NRXN3: variants seen among roughly 807,000 people sequenced by gnomAD.
NRXN3 encodes neurexin 3.
A neutral mutation model predicts 137.6 loss-of-function variants in NRXN3; 32 were observed. The observed-to-expected ratio is 0.23, with a 90% CI of 0.18 to 0.31. The LOEUF (loss-of-function observed/expected upper bound fraction) is 0.31, where lower values mean the gene tolerates loss of function less well. NRXN3 is among the 10% of genes least tolerant of loss of function. The pLI, the probability that NRXN3 is intolerant of heterozygous loss-of-function variation, is 1.00. For missense variants in NRXN3, 1,574 were observed against 2,062.5 expected, an observed-to-expected ratio of 0.76 and a Z score of 4.59; for synonymous variants, 798 against 784.5, an observed-to-expected ratio of 1.02 and a Z score of -0.29.
intron 16 of NRXN3, among the ~76,000 whole-genome samples, chr14:79,561,920 A>G (rs549811687): frequency 1.3e-5 from 2 of 152,294 alleles, no homozygotes; most frequent in African/African-American, 4.8e-5. Flanking sequence ...ATTTTATCCC[A>G]TTTGTTATCC....
chr14:78,444,220 G>T (rs2094346068), intron 4 of NRXN3, among the ~76,000 whole-genome samples: 1 of 152,182 alleles, frequency 6.6e-6, no homozygotes, highest in Non-Finnish European at 1.5e-5. Context: ...AGAACATGAT[G>T]ACATGAATAG....
chr14:78,307,948 C>CT (rs917119129), intron 4 of NRXN3, among the ~76,000 whole-genome samples: 5 of 152,174 alleles, frequency 3.3e-5, no homozygotes, highest in South Asian at 2.1e-4. Flanking sequence ...AGATACTGCT[C>CT]TTTTTTTCCC....
At chr14:78,719,418 T>TAGC (rs10684562) in intron 8 of NRXN3, among the ~76,000 whole-genome samples, 148,037 of 151,758 alleles carry the variant, frequency 0.98, 72,271 homozygotes, top group Non-Finnish European at 0.99. Context: ...TGATCCTGGG[T>TAGC]AGCAGCAGCA....
chr14:78,988,344 C>T (rs1249824401), intron 15 of NRXN3: 1 of 606,660 alleles, frequency 1.6e-6, no homozygotes, highest in Non-Finnish European at 2.9e-6. Flanking sequence ...AAATATTCTC[C>T]CACTTGCTCA....
chr14:78,718,710 AT>A (rs1188159991), intron 8 of NRXN3, among the ~76,000 whole-genome samples: 1 of 152,060 alleles, frequency 6.6e-6, no homozygotes, highest in Non-Finnish European at 1.5e-5. Context: ...TTGTATTTAG[AT>A]TTTTTTCAGC....
At chr14:78,636,532 C>T (rs2097568516) in intron 4 of NRXN3, among the ~76,000 whole-genome samples, 1 of 152,114 alleles carries the variant, frequency 6.6e-6, no homozygotes, top group Non-Finnish European at 1.5e-5. Context: ...CAAAGTGTTA[C>T]TCCAAAATGA....
At chr14:79,454,715 A>G (rs557266751) in intron 15 of NRXN3, among the ~76,000 whole-genome samples, 1 of 152,256 alleles carries the variant, frequency 6.6e-6, no homozygotes, top group East Asian at 1.9e-4. Flanking sequence ...TGCTGTTGAT[A>G]ATCTCTATCA....
chr14:79,388,865 A>C (rs4903848), intron 15 of NRXN3, among the ~76,000 whole-genome samples: 109,973 of 151,904 alleles, frequency 0.72, 40,031 homozygotes, highest in Middle Eastern at 0.87. Flanking sequence ...ATGGGAATTC[A>C]TGTTCTGTTG....
At chr14:79,836,860 C>G (rs2099345172) in intron 20 of NRXN3, among the ~76,000 whole-genome samples, 1 of 152,092 alleles carries the variant, frequency 6.6e-6, no homozygotes, top group African/African-American at 2.4e-5. Context: ...TTTTTTTGTC[C>G]ATGGTTCTAT....
intron 19 of NRXN3, among the ~76,000 whole-genome samples, chr14:79,761,914 A>G (rs976645416): frequency 9.2e-5 from 14 of 151,648 alleles, no homozygotes; most frequent in African/African-American, 3.2e-4. Flanking sequence ...CTTTGAAGCC[A>G]TAAACTTGAG....
chr14:79,519,382 C>A (rs73341454), intron 16 of NRXN3, among the ~76,000 whole-genome samples: 3,598 of 151,640 alleles, frequency 0.024, 151 homozygotes, highest in East Asian at 0.15. Flanking sequence ...TTAATTTTAC[C>A]ACTTTTGCAT....
At chr14:78,611,467 C>A (rs558241372) in intron 4 of NRXN3, among the ~76,000 whole-genome samples, 3 of 151,446 alleles carry the variant, frequency 2.0e-5, no homozygotes, top group Admixed American at 1.3e-4. Flanking sequence ...ATGGATATAC[C>A]AGAAAGCATA....
At chr14:78,338,824 T>G (rs2081814359) in intron 4 of NRXN3, among the ~76,000 whole-genome samples, 1 of 152,194 alleles carries the variant, frequency 6.6e-6, no homozygotes, top group East Asian at 1.9e-4. Context: ...GACTTAACAC[T>G]TTAACACTTG....
intron 17 of NRXN3, among the ~76,000 whole-genome samples, chr14:79,674,022 G>A (rs2098627447): frequency 6.6e-6 from 1 of 152,010 alleles, no homozygotes; most frequent in Non-Finnish European, 1.5e-5. Flanking sequence ...TCCACAAAGT[G>A]AAAGAAGGTG....
At chr14:79,788,408 G>C (rs1438823220) in intron 19 of NRXN3, among the ~76,000 whole-genome samples, 1 of 152,152 alleles carries the variant, frequency 6.6e-6, no homozygotes, top group East Asian at 1.9e-4. Context: ...TATGAGCTAG[G>C]CTCTGGTCCA....
At chr14:78,980,861 T>G (rs2099487524) in intron 14 of NRXN3, among the ~76,000 whole-genome samples, 1 of 152,210 alleles carries the variant, frequency 6.6e-6, no homozygotes, top group African/African-American at 2.4e-5. Flanking sequence ...ACAAAGAAAG[T>G]CACCATCTTT....
chr14:79,382,407 C>G (rs957423167), intron 15 of NRXN3, among the ~76,000 whole-genome samples: 10 of 152,218 alleles, frequency 6.6e-5, no homozygotes, highest in African/African-American at 2.2e-4. Flanking sequence ...GGGGCTATGT[C>G]CAGATAAGTT....
chr14:78,235,006 A>ATATATATATATATGTGTG (rs1208341074), intron 1 of NRXN3, among the ~76,000 whole-genome samples: 11 of 98,836 alleles, frequency 1.1e-4, no homozygotes, highest in Admixed American at 2.3e-4. Context: ...ATATATATAT[A>ATATATATATATATGTGTG]TATATATATA....
chr14:79,001,953 A>G (rs1269664365), intron 15 of NRXN3, among the ~76,000 whole-genome samples: 1 of 152,144 alleles, frequency 6.6e-6, no homozygotes, highest in African/African-American at 2.4e-5. Context: ...AACCTCCTCT[A>G]AAGAAAAATG....
Sources: allele counts gnomAD v4.1 joint callset (sites outside exome capture counted in the v4.1 genomes callset), GRCh38; gene constraint gnomAD v4.1.1; transcripts MANE v1.5; gene names NCBI Gene and HGNC (gene_info 2026-07-23, HGNC 2026-07-21).